Variants in SNX24 observed in about 807,000 individuals in gnomAD.
SNX24 encodes sorting nexin 24, also known as sorting nexin-24.
In SNX24, 22 loss-of-function variants were observed where a neutral mutation model predicts 28.7. The observed-to-expected ratio is 0.77, with a 90% CI of 0.55 to 1.10. SNX24 has a LOEUF of 1.10. Ranked by LOEUF, SNX24 falls within the 50% of genes least tolerant of loss-of-function variation. The pLI, the probability that SNX24 is intolerant of heterozygous loss-of-function variation, is 0.00. For synonymous variants in SNX24, 69 were observed against 71.5 expected (o/e 0.96, Z 0.18); for missense variants, 221 against 201.1 (o/e 1.10, Z -0.60).
chr5:122,917,010 T>C (rs924525223), intron 1 of SNX24, among the ~76,000 whole-genome samples: 1 of 152,198 alleles, frequency 6.6e-6, no homozygotes, highest in African/African-American at 2.4e-5. Context: ...GGCTCACGCC[T>C]GTAATCCCAA....
intron 3 of SNX24, among the ~76,000 whole-genome samples, chr5:122,952,199 C>G (rs1046549559): frequency 6.6e-6 from 1 of 152,116 alleles, no homozygotes; most frequent in Non-Finnish European, 1.5e-5. Flanking sequence ...ATCCAAAACA[C>G]TTGTGGTCCC....
At chr5:123,001,537 T>C in intron 5 of SNX24, 100 bp downstream of exon 5, 1 of 880,962 alleles carries the variant, frequency 1.1e-6, no homozygotes, top group Non-Finnish European at 1.8e-6. Flanking sequence ...TAAGAACCTT[T>C]GTTTGGAAAT....
intron 6 of SNX24, among the ~76,000 whole-genome samples, chr5:123,002,556 C>G (rs2150177236): frequency 6.6e-6 from 1 of 152,200 alleles, no homozygotes; most frequent in Admixed American, 6.5e-5. Context: ...GGCGTGAACC[C>G]GGGAGGCGGA....
At chr5:123,011,435 A>AT (rs1309333263), downstream of SNX24, among the ~76,000 whole-genome samples, 1 of 152,204 alleles carries the variant, frequency 6.6e-6, no homozygotes, top group African/African-American at 2.4e-5. Flanking sequence ...AACAACCCCA[A>AT]TATCACCATG....
At chr5:122,860,765 T>G (rs1755424429) in intron 1 of SNX24, among the ~76,000 whole-genome samples, 1 of 151,868 alleles carries the variant, frequency 6.6e-6, no homozygotes, top group Non-Finnish European at 1.5e-5. Context: ...CATGGCTAAT[T>G]TTTTGTATTT....
At chr5:122,954,167 A>G (rs1048670891) in intron 3 of SNX24, among the ~76,000 whole-genome samples, 1 of 143,324 alleles carries the variant, frequency 7.0e-6, no homozygotes, top group African/African-American at 2.7e-5. Flanking sequence ...GTATTCTTAA[A>G]TTCTCAAATG....
At chr5:123,021,978 G>C (rs903359182) in intron 5 of SNX24, among the ~76,000 whole-genome samples, 2 of 152,070 alleles carry the variant, frequency 1.3e-5, no homozygotes, top group African/African-American at 4.8e-5. Flanking sequence ...GAACCAAGAG[G>C]GGCCCAAGAG....
At chr5:122,934,391 G>A (rs906160238) in intron 1 of SNX24, among the ~76,000 whole-genome samples, 2 of 151,992 alleles carry the variant, frequency 1.3e-5, no homozygotes, top group African/African-American at 2.4e-5. Context: ...ACAGAGTCTC[G>A]CTCGGTTGCC....
At chr5:122,965,356 G>GT in intron 3 of SNX24, 1 of 417,318 alleles carries the variant, frequency 2.4e-6, no homozygotes. Context: ...GGCTGCCACA[G>GT]GTACCTGGAT....
At chr5:122,924,415 G>A (rs1408514312) in intron 1 of SNX24, among the ~76,000 whole-genome samples, 1 of 152,172 alleles carries the variant, frequency 6.6e-6, no homozygotes, top group Non-Finnish European at 1.5e-5. Flanking sequence ...GGGTGGGGGT[G>A]CAGACATCGT....
intron 1 of SNX24, among the ~76,000 whole-genome samples, chr5:122,934,689 C>T (rs1759108768): frequency 6.6e-6 from 1 of 152,208 alleles, no homozygotes; most frequent in Non-Finnish European, 1.5e-5. Context: ...TTTCTTTCTT[C>T]ACTTTGTCAT....
At chr5:122,872,649 G>A (rs1346745200) in intron 1 of SNX24, among the ~76,000 whole-genome samples, 1 of 152,092 alleles carries the variant, frequency 6.6e-6, no homozygotes, top group Non-Finnish European at 1.5e-5. Flanking sequence ...CAATGTAAAT[G>A]CTATGTAAAG....
chr5:122,968,703 CTG>C (rs1421258111), intron 3 of SNX24, among the ~76,000 whole-genome samples: 1 of 152,170 alleles, frequency 6.6e-6, no homozygotes, highest in African/African-American at 2.4e-5. Context: ...ACAGCAATCA[CTG>C]TGTTGCAACC....
intron 1 of SNX24, among the ~76,000 whole-genome samples, chr5:122,905,531 T>A (rs888370226): frequency 6.6e-6 from 1 of 152,220 alleles, no homozygotes; most frequent in East Asian, 1.9e-4. Context: ...AAAGGAAATG[T>A]TCACTGGAGT....
chr5:122,969,923 T>C (rs922023260), intron 3 of SNX24, among the ~76,000 whole-genome samples: 1 of 152,016 alleles, frequency 6.6e-6, no homozygotes, highest in Admixed American at 6.5e-5. Flanking sequence ...CAAGACTTTC[T>C]CCACGGGCCT....
At chr5:122,992,157 A>C (rs1173163743) in intron 3 of SNX24, among the ~76,000 whole-genome samples, 2 of 152,218 alleles carry the variant, frequency 1.3e-5, no homozygotes, top group African/African-American at 4.8e-5. Context: ...ATATGAAATG[A>C]AACATATAGT....
chr5:123,028,547 G>A (rs937097722), intron 5 of SNX24: 9 of 423,834 alleles, frequency 2.1e-5, no homozygotes, highest in Admixed American at 8.3e-5. Context: ...TCTCAATTAC[G>A]GAAAGACAAT....
rs1761989635 is a variant in SNX24, at chr5:122,994,688, G to A, written c.250-5224G>A. On this transcript the variant is annotated intron_variant, in intron 3 of 6. Coordinates refer to ENST00000261369, the MANE Select transcript of SNX24 (RefSeq NM_014035.4). ...GCTTACAGGGGCTGTTGGTGGTAAT[G>A]CTGTTGTTTTTCTGCCCCATGCAGG... is the stretch of plus-strand genomic sequence containing the variant. Among the ~76,000 whole-genome samples, 4 of 152,138 alleles carry A rather than the reference G, an allele frequency of 2.6e-5. No homozygotes were observed. The South Asian group carries it at 8.3e-4, about 32-fold the overall frequency.
chr5:122,855,959 A>G (rs1755169940), intron 1 of SNX24, among the ~76,000 whole-genome samples: 1 of 152,150 alleles, frequency 6.6e-6, no homozygotes, highest in African/African-American at 2.4e-5. Flanking sequence ...TAAATTTGCC[A>G]TCTTTTATTT....
Sources: gnomAD v4.1 joint callset for allele counts (sites outside exome capture counted in the v4.1 genomes callset) on GRCh38, gnomAD v4.1.1 for gene constraint, MANE v1.5 for transcripts, NCBI Gene and HGNC (gene_info 2026-07-23, HGNC 2026-07-21) for gene names.